SETD2: variants seen among roughly 807,000 people sequenced by gnomAD.
SETD2 encodes the protein histone-lysine N-methyltransferase SETD2.
A neutral mutation model predicts 242.1 loss-of-function variants in SETD2; 31 were observed. The observed-to-expected ratio is 0.13, with a 90% CI of 0.10 to 0.17. SETD2 has a LOEUF of 0.17. Among genes scored for constraint, SETD2 ranks in the 10% least tolerant of loss-of-function variants. The probability of loss-of-function intolerance (pLI) is 1.00; values close to 1 mark genes in which losing one functional copy is unlikely to be tolerated. For missense variants in SETD2, 2,481 were observed against 3,046.3 expected (o/e 0.81, Z 4.37); for synonymous variants, 1,006 against 1,066.5 (o/e 0.94, Z 1.11).
intron 6 of SETD2, among the ~76,000 whole-genome samples, chr3:47,104,646 T>C (rs2042340145): frequency 6.6e-6 from 1 of 152,236 alleles, no homozygotes; most frequent in Admixed American, 6.5e-5. Flanking sequence ...AACAGGTTCT[T>C]TGAAACTGCA....
intron 5 of SETD2, among the ~76,000 whole-genome samples, chr3:47,110,021 C>G (rs1237580925): frequency 6.7e-6 from 1 of 149,654 alleles, no homozygotes; most frequent in Non-Finnish European, 1.5e-5. Flanking sequence ...GCCCAAATGT[C>G]CATCAACTAA....
rs190310085 is a variant in SETD2 at position 47,100,487 on chromosome 3, C to T, written c.5015+971G>A. 4.0e-4 allele frequency among the ~76,000 whole-genome samples: 61 copies of T among 152,074 alleles called. No homozygotes were observed. In the East Asian group the frequency reaches 0.011, roughly 27 times the overall value. On this transcript the variant is annotated intron_variant, in intron 8 of 20. Transcript: ENST00000409792. ...TGTTGGCCAGGCTCAAACTCCTGAC[C>T]TCATGATCTGCCCGCCTCAGCCTCC...
intron 1 of SETD2, among the ~76,000 whole-genome samples, chr3:47,143,637 A>T (rs1292828625): frequency 6.6e-6 from 1 of 152,254 alleles, no homozygotes; most frequent in Non-Finnish European, 1.5e-5. Flanking sequence ...AAGCTAGTTG[A>T]TCTATAAAAC....
At chr3:47,073,405 G>T (rs1399301364) in intron 12 of SETD2, among the ~76,000 whole-genome samples, 1 of 152,190 alleles carries the variant, frequency 6.6e-6, no homozygotes, top group Admixed American at 6.5e-5. Context: ...AGGGAAAACA[G>T]AAGGATTATG....
chr3:47,019,406 T>G (rs1575645282), intron 19 of SETD2, among the ~76,000 whole-genome samples: 1 of 152,206 alleles, frequency 6.6e-6, no homozygotes, highest in Non-Finnish European at 1.5e-5. Flanking sequence ...GCCACACCTC[T>G]TTCACCAATG....
chr3:47,025,253 A>G (rs1489422810), intron 18 of SETD2, among the ~76,000 whole-genome samples: 1 of 152,184 alleles, frequency 6.6e-6, no homozygotes, highest in African/African-American at 2.4e-5. Flanking sequence ...CAGGCCATCC[A>G]TGACTCCCTT....
chr3:47,139,194 T>C (rs2043666105), intron 1 of SETD2, among the ~76,000 whole-genome samples: 1 of 152,074 alleles, frequency 6.6e-6, no homozygotes, highest in African/African-American at 2.4e-5. Flanking sequence ...CCTTCCTCCC[T>C]CTCAGCCTCC....
intron 1 of SETD2, among the ~76,000 whole-genome samples, chr3:47,131,534 G>A (rs548076705): frequency 8.6e-5 from 13 of 151,748 alleles, no homozygotes; most frequent in Non-Finnish European, 1.8e-4. Context: ...TAGTAGAAAC[G>A]GGGCTTCACC....
chr3:47,066,022 A>G (rs1008683126), intron 13 of SETD2, among the ~76,000 whole-genome samples: 1 of 152,178 alleles, frequency 6.6e-6, no homozygotes, highest in Non-Finnish European at 1.5e-5. Flanking sequence ...AAGTCCACTT[A>G]TATGTGGATT....
chr3:47,061,385 G>A (rs2040324825), intron 14 of SETD2, among the ~76,000 whole-genome samples: 1 of 151,966 alleles, frequency 6.6e-6, no homozygotes, highest in Admixed American at 6.6e-5. Flanking sequence ...CTTCAACAAA[G>A]GCACCAAGAA....
intron 12 of SETD2, among the ~76,000 whole-genome samples, 184 bp downstream of exon 12, chr3:47,083,536 G>T (rs915122602): frequency 3.9e-5 from 6 of 152,082 alleles, no homozygotes; most frequent in Non-Finnish European, 1.5e-5. Context: ...TATTAGTTTG[G>T]CTAATATGAC....
intron 4 of SETD2, 127 bp downstream of exon 4, chr3:47,116,496 A>G: frequency 2.4e-6 from 2 of 824,642 alleles, no homozygotes; most frequent in East Asian, 2.6e-5. Context: ...AGTGTCTACT[A>G]TACTTTTTTG....
chr3:47,128,761 T>C (rs1227129562), intron 1 of SETD2, among the ~76,000 whole-genome samples: 1 of 152,218 alleles, frequency 6.6e-6, no homozygotes, highest in Non-Finnish European at 1.5e-5. Context: ...ATGCTATCAA[T>C]GGTATAATAG....
In SETD2 at chr3:47,120,211, A is replaced by G. The variant is rs1575809641; in HGVS notation, c.4425T>C (p.Leu1475=). 1.9e-6 allele frequency: 3 copies of G among 1,551,552 alleles called. No homozygotes were observed. Among genetic ancestry groups the G allele is most frequent in the Admixed American group, 2.1e-5 (1 of 47,094 alleles). ...CTGTTAAATAAACATTTTCTTCAATAAGATCAAAGTAACATGGCATTTTCC... is the reference window on the plus strand; with the variant it reads ...CTGTTAAATAAACATTTTCTTCAATGAGATCAAAGTAACATGGCATTTTCC... ...KQGKMPCYFD[L]IEENVYLTER... The change falls in exon 3 of 21, where the codon CTT becomes CTC. Residue 1475 remains leucine (L), a synonymous_variant. Transcript: ENST00000409792.
In SETD2 at chr3:47,022,016, G is replaced by A. The variant is rs546006067; in HGVS notation, c.7351-2176C>T. The stretch of plus-strand genomic sequence containing the variant: ...ACAAAAATTAGCTGGGCGTGGTGGC[G>A]CGTGCCTGTAGTCCCAGCTACTTGG... On this transcript the variant is annotated intron_variant, in intron 18 of 20. Coordinates refer to ENST00000409792, the MANE Select transcript of SETD2 (RefSeq NM_014159.7). 9.7e-4 allele frequency among the ~76,000 whole-genome samples: 147 copies of A among 151,126 alleles called. 1 individual carries two copies. The highest frequency in any genetic ancestry group is 2.9e-3 in the African/African-American group (119 of 41,166).
chr3:47,113,032 A>T (rs1415614468), intron 5 of SETD2, among the ~76,000 whole-genome samples: 2 of 152,242 alleles, frequency 1.3e-5, no homozygotes, highest in Non-Finnish European at 2.9e-5. Flanking sequence ...TATTCATTCA[A>T]GAAATGTTTA....
intron 1 of SETD2, among the ~76,000 whole-genome samples, chr3:47,134,391 T>C (rs2043547597): frequency 3.3e-5 from 5 of 152,200 alleles, no homozygotes; most frequent in African/African-American, 1.2e-4. Context: ...GGCAGAAATC[T>C]TCAAAATTAA....
rs766455577 is a variant in SETD2, at chr3:47,106,493, T to TAAAAAAAAAAAAAA, written c.4716-387_4716-374dup. ...CTGAAAAGTTAGAGGATTTTTGCTCTAAAAAAAAAAAAAAAAAAAAAAAAA... is the reference window on the plus strand; with the variant it reads ...CTGAAAAGTTAGAGGATTTTTGCTCTAAAAAAAAAAAAAAAAAAAAAAAAAAAAAAAAAAAAAAA... On this transcript the variant is annotated intron_variant, in intron 5 of 20. Transcript: ENST00000409792. 1.2e-4 allele frequency among the ~76,000 whole-genome samples: 7 copies of TAAAAAAAAAAAAAA among 57,264 alleles called. 1 individual carries two copies. The highest frequency in any genetic ancestry group is 4.7e-4 in the African/African-American group (7 of 14,920). The allele number at this position is 57,264 out of a possible 152,430, so 37.6% of individuals were successfully genotyped here.
intron 6 of SETD2, 71 bp downstream of exon 6, chr3:47,105,926 T>G: frequency 1.1e-6 from 1 of 888,184 alleles, no homozygotes; most frequent in Non-Finnish European, 1.6e-6. Context: ...AAAAAAAAAA[T>G]CAAATCAGTA....
Sources: allele counts gnomAD v4.1 joint callset (sites outside exome capture counted in the v4.1 genomes callset), GRCh38; gene constraint gnomAD v4.1.1; transcripts MANE v1.5; gene names NCBI Gene and HGNC (gene_info 2026-07-23, HGNC 2026-07-21).